Variants in SHANK2 observed in about 807,000 individuals in gnomAD.
SHANK2 encodes SH3 and multiple ankyrin repeat domains protein 2.
SHANK2 carries 43 observed loss-of-function variants against 133.7 expected under a neutral mutation model. The ratio of observed to expected loss-of-function variants is 0.32; its 90% CI spans 0.25 to 0.41. The LOEUF (loss-of-function observed/expected upper bound fraction) is 0.41. Among genes scored for constraint, SHANK2 ranks in the 10% least tolerant of loss-of-function variants. The pLI is 1.00. For synonymous variants in SHANK2, 1,017 were observed against 952.8 expected (o/e 1.07, Z -1.24); for missense variants, 1,994 against 2,235.8 (o/e 0.89, Z 2.18).
intron 14 of SHANK2, among the ~76,000 whole-genome samples, chr11:70,781,580 A>ATATATATATATATATATATATATATT (rs34035945): frequency 7.9e-6 from 1 of 126,296 alleles, no homozygotes; most frequent in African/African-American, 3.0e-5. Context: ...ATATATATAT[A>ATATATATATATATATATATATATATT]TATTTACTTA....
chr11:70,734,822 T>G (rs1946367732), intron 14 of SHANK2, among the ~76,000 whole-genome samples: 1 of 152,174 alleles, frequency 6.6e-6, no homozygotes, highest in East Asian at 1.9e-4. Context: ...ACCTGAGCGA[T>G]GAGGACCCTT....
At chr11:70,901,140 G>T (rs782588775) in intron 10 of SHANK2, among the ~76,000 whole-genome samples, 1 of 152,140 alleles carries the variant, frequency 6.6e-6, no homozygotes, top group Non-Finnish European at 1.5e-5. Flanking sequence ...AGAGCGATAA[G>T]GAACGGGCTC....
At chr11:70,861,955 G>A (rs1555067880) in intron 11 of SHANK2, among the ~76,000 whole-genome samples, 1 of 152,094 alleles carries the variant, frequency 6.6e-6, no homozygotes. Context: ...TGGGACACAG[G>A]TGCAGCCAAA....
At chr11:70,931,510 G>A (rs561983206) in intron 10 of SHANK2, among the ~76,000 whole-genome samples, 3 of 152,306 alleles carry the variant, frequency 2.0e-5, no homozygotes, top group Admixed American at 1.3e-4. Flanking sequence ...CTGCTGGCGT[G>A]GCCACGGCAA....
At chr11:70,525,583 T>C (rs1490504022) in intron 17 of SHANK2, among the ~76,000 whole-genome samples, 3 of 152,076 alleles carry the variant, frequency 2.0e-5, no homozygotes, top group African/African-American at 7.2e-5. Flanking sequence ...CTCTTTCTTT[T>C]GAAATGCCAG....
chr11:70,909,804 T>C (rs146790585), intron 10 of SHANK2, among the ~76,000 whole-genome samples: 17 of 152,288 alleles, frequency 1.1e-4, no homozygotes, highest in African/African-American at 4.1e-4. Context: ...TTGAACACCA[T>C]TTTCTGCAGG....
chr11:70,745,812 T>C (rs1387688726), intron 14 of SHANK2, among the ~76,000 whole-genome samples: 1 of 152,204 alleles, frequency 6.6e-6, no homozygotes, highest in Admixed American at 6.5e-5. Context: ...AACGCATTGC[T>C]GAGGATGCAA....
chr11:70,597,285 T>G (rs2060414653), intron 17 of SHANK2, among the ~76,000 whole-genome samples: 1 of 152,078 alleles, frequency 6.6e-6, no homozygotes, highest in Non-Finnish European at 1.5e-5. Context: ...AGCTACTCCC[T>G]TCCACTACCC....
intron 14 of SHANK2, among the ~76,000 whole-genome samples, chr11:70,729,815 G>T (rs1485897511): frequency 6.6e-6 from 1 of 150,914 alleles, no homozygotes; most frequent in African/African-American, 2.4e-5. Flanking sequence ...TTACAGGCTT[G>T]AGCCACCGTG....
intron 10 of SHANK2, among the ~76,000 whole-genome samples, chr11:70,902,220 T>C (rs1421909347): frequency 6.6e-6 from 1 of 152,226 alleles, no homozygotes; most frequent in Non-Finnish European, 1.5e-5. Flanking sequence ...ACTGGCATTC[T>C]AAATCATCCT....
At chr11:70,527,354 T>C (rs1445949565) in intron 17 of SHANK2, among the ~76,000 whole-genome samples, 1 of 152,156 alleles carries the variant, frequency 6.6e-6, no homozygotes, top group Non-Finnish European at 1.5e-5. Context: ...TTGTTCCTCT[T>C]GAGCAGAGCT....
intron 17 of SHANK2, among the ~76,000 whole-genome samples, chr11:70,575,925 G>A (rs142860616): frequency 6.6e-6 from 1 of 151,974 alleles, no homozygotes; most frequent in Admixed American, 6.6e-5. Flanking sequence ...CCCCTGGGCC[G>A]TGCTGCAGCC....
In SHANK2 at chr11:70,820,650, G is replaced by T. The variant is rs782598005; in HGVS notation, c.1207C>A (p.Arg403Ser). The T allele has an allele frequency of 1.4e-6, 1 of 705,674 alleles. No individual in the cohort carries two copies. Among genetic ancestry groups the T allele is most frequent in the Non-Finnish European group, 2.6e-6 (1 of 378,876 alleles). The allele number at this position is 705,674 out of a possible 1,614,324, so 43.7% of individuals were successfully genotyped here. The stretch of plus-strand genomic sequence containing the variant: ...AGCGTGTTGGGGGGCCGCCGCCGGC[G>T]GTTGGAGTACGCCGGGGCCTCTCGG... ...PFREAPAYSN[R>S]RRRPPNTLAA... Residue 403 changes from arginine to serine, a missense_variant, in exon 12 of 26, where the codon CGC (arginine) becomes AGC (serine). Coordinates refer to ENST00000601538, the MANE Select transcript of SHANK2 (RefSeq NM_012309.5).
chr11:70,878,767 C>T (rs933879546), intron 11 of SHANK2, among the ~76,000 whole-genome samples: 1 of 152,198 alleles, frequency 6.6e-6, no homozygotes, highest in Admixed American at 6.5e-5. Flanking sequence ...TGCTGCGCTA[C>T]CCAGGGCTCA....
chr11:70,636,287 ATGAG>A (rs538695120), intron 17 of SHANK2, among the ~76,000 whole-genome samples: 15 of 152,034 alleles, frequency 9.9e-5, no homozygotes, highest in Non-Finnish European at 1.3e-4. Context: ...GTGTACATGT[ATGAG>A]TATGTGTGTG....
intron 14 of SHANK2, among the ~76,000 whole-genome samples, chr11:70,786,085 T>A (rs1555046408): frequency 6.6e-6 from 1 of 152,136 alleles, no homozygotes; most frequent in East Asian, 1.9e-4. Flanking sequence ...GTGCCAGAAT[T>A]TCCAACAAAC....
At chr11:70,858,034 A>C (rs1390086945) in intron 11 of SHANK2, among the ~76,000 whole-genome samples, 1 of 152,078 alleles carries the variant, frequency 6.6e-6, no homozygotes, top group Non-Finnish European at 1.5e-5. Context: ...TTGGAGAGGG[A>C]ATTATTCAGA....
At chr11:70,863,770 T>C in intron 11 of SHANK2, 1 of 455,592 alleles carries the variant, frequency 2.2e-6, no homozygotes, top group Non-Finnish European at 4.4e-6. Flanking sequence ...GTCACTCAGG[T>C]AGGTCCTCAT....
intron 17 of SHANK2, among the ~76,000 whole-genome samples, chr11:70,581,282 G>T (rs1029510065): frequency 1.2e-4 from 19 of 152,202 alleles, no homozygotes; most frequent in African/African-American, 4.6e-4. Context: ...CTTCCTCAAA[G>T]ATGGCATCTT....
Sources: allele counts gnomAD v4.1 joint callset (sites outside exome capture counted in the v4.1 genomes callset), GRCh38; gene constraint gnomAD v4.1.1; transcripts MANE v1.5; gene names NCBI Gene and HGNC (gene_info 2026-07-23, HGNC 2026-07-21).